The following ABCG8 variants were observed in gnomAD, a reference collection of about 807,000 sequenced individuals.
ABCG8 encodes the protein ATP binding cassette subfamily G member 8.
Under a neutral mutation model 71.3 loss-of-function variants are expected in ABCG8, and 81 were observed. The observed-to-expected ratio is 1.14, with a 90% CI of 0.95 to 1.37. The LOEUF (loss-of-function observed/expected upper bound fraction) is 1.37. Ranked by LOEUF, ABCG8 falls within the 40% of genes most tolerant of loss-of-function variation. ABCG8 has a pLI of 0.00. For synonymous variants in ABCG8, 451 were observed against 354.7 expected, an observed-to-expected ratio of 1.27 and a Z score of -3.05; for missense variants, 1,119 against 866.2, an observed-to-expected ratio of 1.29 and a Z score of -3.66.
At chr2:43,852,558 G>C (rs779582139) in intron 5 of ABCG8, 41 bp from the exon 6 acceptor site, 4 of 1,614,040 alleles carry the variant, frequency 2.5e-6, no homozygotes, top group Admixed American at 3.3e-5. Context: ...GGTCTGGCCA[G>C]AGCCCCACCG....
At chr2:43,853,129 G>A (rs1329105454) in intron 6 of ABCG8, among the ~76,000 whole-genome samples, 4 of 152,166 alleles carry the variant, frequency 2.6e-5, no homozygotes, top group Non-Finnish European at 5.9e-5. Context: ...AAGATGGGAG[G>A]GCATGGAATT....
At chr2:43,850,942 C>G (rs147215325) in intron 3 of ABCG8, among the ~76,000 whole-genome samples, 1 of 151,330 alleles carries the variant, frequency 6.6e-6, no homozygotes, top group African/African-American at 2.4e-5. Flanking sequence ...AGTAAAAGTA[C>G]CACTGATGAA....
At chr2:43,853,748 T>C (rs72796750) in intron 6 of ABCG8, among the ~76,000 whole-genome samples, 8,215 of 152,304 alleles carry the variant, frequency 0.054, 270 homozygotes, top group Middle Eastern at 0.11. Context: ...AGCCTGGAGC[T>C]TGCAGAGCTA....
At chr2:43,871,587 G>A (rs376204474) in intron 6 of ABCG8, among the ~76,000 whole-genome samples, 2 of 151,946 alleles carry the variant, frequency 1.3e-5, no homozygotes, top group Non-Finnish European at 2.9e-5. Flanking sequence ...CCTCATTAAA[G>A]CTTCCTGGAC....
chr2:43,876,872 C>T (rs540040566), intron 11 of ABCG8, among the ~76,000 whole-genome samples: 2 of 83,772 alleles, frequency 2.4e-5, no homozygotes, highest in Non-Finnish European at 4.9e-5. Context: ...GGAGATTGTG[C>T]GAATATGGGG....
chr2:43,879,936 T>G lies in ABCG8; in HGVS notation c.*2023T>G, dbSNP rs1047896728. The G allele has an allele frequency of 2.0e-5, 3 of 152,332 alleles. No individual in the cohort carries two copies. The highest frequency in any genetic ancestry group is 3.4e-3 in the Middle Eastern group (1 of 294). The allele number at this position is 152,332 out of a possible 1,614,324, so 9.4% of individuals were successfully genotyped here. A position where few individuals can be genotyped will look rare whatever the true frequency, so the allele number is the denominator to read the frequency against. On this transcript the variant is annotated 3_prime_UTR_variant, in exon 13 of 13. Coordinates refer to ENST00000272286, the MANE Select transcript of ABCG8 (RefSeq NM_022437.3). ...TAATAAGCATTTTGTAAGTGGGTAC[T>G]TTGAAACTATGTAAATTGTAAACTT...
At chr2:43,868,203 A>G (rs2104940534) in intron 6 of ABCG8, among the ~76,000 whole-genome samples, 1 of 152,172 alleles carries the variant, frequency 6.6e-6, no homozygotes, top group East Asian at 1.9e-4. Context: ...ATCTATCTCA[A>G]TAGAATTCTC....
chr2:43,868,520 C>A (rs1224797152), intron 6 of ABCG8, among the ~76,000 whole-genome samples: 1 of 152,000 alleles, frequency 6.6e-6, no homozygotes, highest in Non-Finnish European at 1.5e-5. Context: ...TTCTCACCAT[C>A]TGCATAGAAT....
rs760908793 is a variant in ABCG8, at chr2:43,875,431, G to A, written c.1756+18G>A. ...GTGGACAGGTAAGGCCTGCCCCCGGGGCCTGGGCCAGCTTTGTTAGGACTC... is the reference window on the plus strand; with the variant it reads ...GTGGACAGGTAAGGCCTGCCCCCGGAGCCTGGGCCAGCTTTGTTAGGACTC... On this transcript the variant is annotated intron_variant, in intron 11 of 12. Coordinates refer to ENST00000272286, the MANE Select transcript of ABCG8 (RefSeq NM_022437.3). 6.2e-7 allele frequency: 1 copy of A among 1,609,326 alleles called. No homozygotes were observed. Among genetic ancestry groups the A allele is most frequent in the East Asian group, 2.2e-5 (1 of 44,780 alleles).
chr2:43,841,595 G>T (rs976947168), intron 1 of ABCG8, among the ~76,000 whole-genome samples: 26 of 152,192 alleles, frequency 1.7e-4, no homozygotes, highest in African/African-American at 6.0e-4. Context: ...CTCCTGGAAG[G>T]CACAATCCCT....
chr2:43,879,965 A>G lies in ABCG8; in HGVS notation c.*2052A>G, dbSNP rs1032292364. 35 of 151,920 alleles carry G rather than the reference A, an allele frequency of 2.3e-4. No homozygotes were observed. Among genetic ancestry groups the G allele is most frequent in the African/African-American group, 7.5e-4 (31 of 41,364 alleles). The allele number at this position is 151,920 out of a possible 1,614,324, so 9.4% of individuals were successfully genotyped here. On this transcript the variant is annotated 3_prime_UTR_variant, in exon 13 of 13. Transcript: ENST00000272286. The stretch of plus-strand genomic sequence containing the variant: ...AAACTATGTAAATTGTAAACTTTCC[A>G]TTTATGCATTTTAAAATTTTGATTG...
rs976937981 is a variant in ABCG8, at chr2:43,880,875, C to T, written c.*2962C>T. On this transcript the variant is annotated 3_prime_UTR_variant, in exon 13 of 13. Transcript: ENST00000272286. The stretch of plus-strand genomic sequence containing the variant: ...TAATCTCCCATCTACACTGCCACGC[C>T]TTCTCCTGTATGGACGTCCTGCCTA... 4 of 152,064 alleles carry T rather than the reference C, an allele frequency of 2.6e-5. No homozygotes were observed. The highest frequency in any genetic ancestry group is 4.8e-5 in the African/African-American group (2 of 41,424). 9.4% of individuals were successfully genotyped at this position (152,064 alleles called of 1,614,324 possible). A position where few individuals can be genotyped will look rare whatever the true frequency, so the allele number is the denominator to read the frequency against.
chr2:43,857,910 A>G (rs1669169092), intron 6 of ABCG8, among the ~76,000 whole-genome samples: 1 of 151,750 alleles, frequency 6.6e-6, no homozygotes, highest in East Asian at 1.9e-4. Context: ...CAATCTGGAT[A>G]TAATTCTCAC....
At chr2:43,850,092 C>T (rs560507405) in intron 3 of ABCG8, among the ~76,000 whole-genome samples, 16 of 152,174 alleles carry the variant, frequency 1.1e-4, no homozygotes, top group Non-Finnish European at 2.2e-4. Flanking sequence ...GGCATGGTGG[C>T]AGGTGCCTGT....
intron 4 of ABCG8, 56 bp downstream of exon 4, chr2:43,851,878 C>A: frequency 6.4e-7 from 1 of 1,560,904 alleles, no homozygotes; most frequent in Non-Finnish European, 8.8e-7. Flanking sequence ...AGTGTCCATG[C>A]CCCGCTCCTC....
intron 11 of ABCG8, 141 bp from the exon 12 acceptor site, chr2:43,877,420 G>T: frequency 7.4e-7 from 1 of 1,346,632 alleles, no homozygotes; most frequent in Admixed American, 1.8e-5. Context: ...GGAGACTGTG[G>T]GAATATGGGG....
intron 10 of ABCG8, 36 bp from the exon 11 acceptor site, chr2:43,875,110 C>A (rs1558858854): frequency 1.2e-6 from 2 of 1,614,018 alleles, no homozygotes; most frequent in Non-Finnish European, 1.7e-6. Context: ...AGTGAAGGTG[C>A]TGGCTTCATA....
At chr2:43,859,387 A>C (rs2104928859) in intron 6 of ABCG8, among the ~76,000 whole-genome samples, 1 of 151,010 alleles carries the variant, frequency 6.6e-6, no homozygotes, top group Non-Finnish European at 1.5e-5. Flanking sequence ...CCATCTGGAT[A>C]GCGCTCTTAC....
At chr2:43,848,299 TAC>T (rs1668808945) in intron 3 of ABCG8, 1 of 152,188 alleles carries the variant, frequency 6.6e-6, no homozygotes, top group Non-Finnish European at 1.5e-5. Flanking sequence ...GGAAGTGCCC[TAC>T]AGAAATAGCT....
Sources: gnomAD v4.1 joint callset for allele counts (sites outside exome capture counted in the v4.1 genomes callset) on GRCh38, gnomAD v4.1.1 for gene constraint, MANE v1.5 for transcripts, NCBI Gene and HGNC (gene_info 2026-07-23, HGNC 2026-07-21) for gene names.